The following SAC3D1 variants were observed in gnomAD, a reference collection of about 807,000 sequenced individuals.
The protein encoded by SAC3D1 is SAC3 domain-containing protein 1.
Under a neutral mutation model 12.7 loss-of-function variants are expected in SAC3D1, and 10 were observed. The ratio of observed to expected loss-of-function variants is 0.79; its 90% CI spans 0.49 to 1.34. The LOEUF is 1.34. SAC3D1 is among the 40% of genes most tolerant of loss of function. The pLI, the probability that SAC3D1 is intolerant of heterozygous loss-of-function variation, is 0.00. For missense variants in SAC3D1, 482 were observed against 531.1 expected (o/e 0.91, Z 0.91); for synonymous variants, 241 against 250.8 (o/e 0.96, Z 0.37).
chr11:65,040,935 CGGTGTATCATG>C (rs1430605363), upstream of SAC3D1: 6 of 335,284 alleles, frequency 1.8e-5, no homozygotes, highest in African/African-American at 1.3e-4. Flanking sequence ...GGGACTACAC[CGGTGTATCATG>C]GGAGCGGCCC....
upstream of SAC3D1, chr11:65,041,101 G>A: frequency 1.6e-6 from 1 of 625,916 alleles, no homozygotes; most frequent in Non-Finnish European, 2.7e-6. Context: ...AACTCGACTG[G>A]ACTGGGTGAG....
chr11:65,042,617 C>G (rs1272943931), intron 1 of SAC3D1, among the ~76,000 whole-genome samples: 1 of 152,138 alleles, frequency 6.6e-6, no homozygotes, highest in Non-Finnish European at 1.5e-5. Flanking sequence ...TCTTGCCTAA[C>G]TGCAACCTCC....
rs1946672261 is a variant in SAC3D1, at chr11:65,044,400, G to A, written c.750G>A (p.Val250=). Residue 250 remains valine (V), a synonymous_variant, in exon 2 of 2, where the codon GTG becomes GTA. Transcript: ENST00000652489. The surrounding 1 kb of genome is among the most constrained non-coding windows in gnomAD (Gnocchi z 4.0). ...CAAGTTGCGCTGTGCAGTGCCATGT[G>A]GGCCATGCCCGCCGGGAAGCCCTGG... is the stretch of plus-strand genomic sequence containing the variant. ...YLPSCAVQCH[V]GHARREALAR... 6.2e-7 allele frequency: 1 copy of A among 1,613,710 alleles called. No homozygotes were observed. The highest frequency in any genetic ancestry group is 1.1e-5 in the South Asian group (1 of 91,084).
chr11:65,042,476 G>C (rs1293707338), intron 1 of SAC3D1, among the ~76,000 whole-genome samples: 2 of 152,178 alleles, frequency 1.3e-5, no homozygotes, highest in Non-Finnish European at 2.9e-5. Flanking sequence ...ATATACCTGA[G>C]ACAGAAGTTT....
intron 1 of SAC3D1, among the ~76,000 whole-genome samples, chr11:65,042,572 A>G (rs1026103678): frequency 6.1e-5 from 9 of 147,150 alleles, no homozygotes; most frequent in African/African-American, 2.3e-4. Flanking sequence ...GACAGAGTCT[A>G]GCTCTGTCGC....
chr11:65,043,185 G>T (rs755373505), intron 1 of SAC3D1: 6 of 324,342 alleles, frequency 1.8e-5, no homozygotes, highest in Middle Eastern at 7.7e-4. Flanking sequence ...CTGGTCTAGT[G>T]GGGGAAGAAA....
rs927949678 is a variant in SAC3D1 at position 65,041,220 on chromosome 11, G to T, written c.-73G>T. The T allele has an allele frequency of 7.2e-7, 1 of 1,382,198 alleles. No individual in the cohort carries two copies. Among genetic ancestry groups the T allele is most frequent in the South Asian group, 1.4e-5 (1 of 73,564 alleles). The allele number at this position is 1,382,198 out of a possible 1,614,324, so 85.6% of individuals were successfully genotyped here. ...ACCCGCCGCTCCCCACCCCCCGGCC[G>T]GCCTCGCGTGCCTTCCCGCAGCACT... is the stretch of plus-strand genomic sequence containing the variant. On this transcript the variant is annotated 5_prime_UTR_variant, in exon 1 of 2. Coordinates refer to ENST00000652489, the MANE Select transcript of SAC3D1 (RefSeq NM_013299.4).
rs1225771091 is a variant in SAC3D1, at chr11:65,041,703, G to A, written c.411G>A (p.Val137=). 75 of 1,323,774 alleles carry A rather than the reference G, an allele frequency of 5.7e-5. No individual in the cohort carries two copies. Among genetic ancestry groups the A allele is most frequent in the Middle Eastern group, 2.8e-4 (1 of 3,522 alleles). The allele number at this position is 1,323,774 out of a possible 1,614,324, so 82.0% of individuals were successfully genotyped here. ...EAALATLLTV[V]ARLGPDAARG... The stretch of plus-strand genomic sequence containing the variant: ...CGCTGGCCACGCTGCTGACCGTAGT[G>A]GCGCGGCTCGGGCCCGACGCGGCGC... Residue 137 remains valine (V), a synonymous_variant, in exon 1 of 2, where the codon GTG becomes GTA. Coordinates refer to ENST00000652489, the MANE Select transcript of SAC3D1 (RefSeq NM_013299.4).
At position 65,041,263 on chromosome 11, in the gene SAC3D1, G is replaced by A. The variant is rs1946590075; in HGVS notation, c.-30G>A. 1.3e-6 allele frequency: 2 copies of A among 1,487,032 alleles called. No individual in the cohort carries two copies. Among genetic ancestry groups the A allele is most frequent in the Non-Finnish European group, 1.8e-6 (2 of 1,126,436 alleles). 92.1% of individuals were successfully genotyped at this position (1,487,032 alleles called of 1,614,324 possible). A position where few individuals can be genotyped will look rare whatever the true frequency, so the allele number is the denominator to read the frequency against. The stretch of plus-strand genomic sequence containing the variant: ...GCAGCACTGCCGTCCCCGGGATGCT[G>A]AGCGCCCACCGTCTCCCCGCAGCCC... On this transcript the variant is annotated 5_prime_UTR_variant, in exon 1 of 2. Transcript: ENST00000652489.
At chr11:65,043,423 AAATAAGCTCTGTTCTG>A (rs1946646545) in intron 1 of SAC3D1, among the ~76,000 whole-genome samples, 1 of 152,006 alleles carries the variant, frequency 6.6e-6, no homozygotes, top group Non-Finnish European at 1.5e-5. Flanking sequence ...CACTGTGCCC[AAATAAGCTCTGTTCTG>A]GCTGGGCCCT....
rs887035980 is a variant in SAC3D1, at chr11:65,042,420, C to T, written c.574+554C>T. ...GATTTTCAAACTCTTTTAACCTCCC[C>T]GCCCAGTCAGGGTTACCAAGCAAAC... On this transcript the variant is annotated intron_variant, in intron 1 of 1. Transcript: ENST00000652489. Among the ~76,000 whole-genome samples, 12 of 151,326 alleles carry T rather than the reference C, an allele frequency of 7.9e-5. No individual in the cohort carries two copies. In the South Asian group the frequency reaches 1.2e-3, roughly 16 times the overall value.
chr11:65,041,618 T>G lies in SAC3D1; in HGVS notation c.326T>G (p.Leu109Arg), dbSNP rs12271134. The G allele has an allele frequency of 1, 1,467,240 of 1,467,756 alleles. 733,363 individuals are homozygous for G. The highest frequency in any genetic ancestry group is 1 in the Non-Finnish European group (1,114,807 of 1,114,840). The allele number at this position is 1,467,756 out of a possible 1,614,324, so 90.9% of individuals were successfully genotyped here. A position where few individuals can be genotyped will look rare whatever the true frequency, so the allele number is the denominator to read the frequency against. Residue 109 changes from leucine to arginine, a missense_variant, in exon 1 of 2, where the codon CTC becomes CGC. Around this residue, in one of 3 missense-constraint regions of SAC3D1, gnomAD observed 197 missense variants for 183.2 expected, o/e 1.08. Transcript: ENST00000652489. ...GTGGCAGACCGCTTGCGAGCTGTGCTCCTGGACCTGGCGCTGCAGGGAGCG... is the reference window on the plus strand; with the variant it reads ...GTGGCAGACCGCTTGCGAGCTGTGCGCCTGGACCTGGCGCTGCAGGGAGCG... ...SFVADRLRAV[L>R]LDLALQGAGD...
intron 1 of SAC3D1, 35 bp downstream of exon 1, chr11:65,041,901 G>T: frequency 1.4e-6 from 2 of 1,395,084 alleles, no homozygotes; most frequent in South Asian, 3.0e-5. Flanking sequence ...GCAGAGCGTG[G>T]GGACAGGAGC....
upstream of SAC3D1, chr11:65,041,194 G>T: frequency 8.7e-7 from 1 of 1,153,836 alleles, no homozygotes; most frequent in South Asian, 1.6e-5. Context: ...GCCCCGCCCC[G>T]ACCCGCCGCT....
intron 1 of SAC3D1, 37 bp downstream of exon 1, chr11:65,041,903 G>A: frequency 1.4e-6 from 2 of 1,390,836 alleles, no homozygotes; most frequent in Non-Finnish European, 1.9e-6. Context: ...AGAGCGTGGG[G>A]ACAGGAGCCC....
In SAC3D1 at chr11:65,041,505, GC is replaced by G; in HGVS notation, c.216del (p.Ser73ProfsTer62). ...PRPPPSQLRPPSVLLATVRYL... is the reference protein window; with the variant it reads ...PRPPPSQLRPXSVLLATVRYL... The stretch of plus-strand genomic sequence containing the variant: ...GGCCCCCGCCCAGCCAGTTGCGTCC[GC>G]CCTCCGTGCTGCTGGCCACCGTGCG... On this transcript the variant is annotated frameshift_variant, in exon 1 of 2. Coordinates refer to ENST00000652489, the MANE Select transcript of SAC3D1 (RefSeq NM_013299.4). LOFTEE classifies it high-confidence loss of function. 6.8e-7 allele frequency: 1 copy of G among 1,465,400 alleles called. No homozygotes were observed. Among genetic ancestry groups the G allele is most frequent in the Admixed American group, 2.5e-5 (1 of 40,404 alleles). 90.8% of individuals were successfully genotyped at this position (1,465,400 alleles called of 1,614,324 possible).
Position 65,044,420 on chromosome 11 carries a change from C to G in SAC3D1, c.770C>G (p.Ala257Gly), listed in dbSNP as rs1049880164. 5.6e-6 allele frequency: 9 copies of G among 1,613,680 alleles called. No homozygotes were observed. The Middle Eastern group carries it at 6.6e-4, about 118-fold the overall frequency. ...CATGTGGGCCATGCCCGCCGGGAAGCCCTGGCCCGCTTCGCTCGTGCCTTT... is the reference window on the plus strand; with the variant it reads ...CATGTGGGCCATGCCCGCCGGGAAGGCCTGGCCCGCTTCGCTCGTGCCTTT... ...QCHVGHARRE[A>G]LARFARAFST... The change falls in exon 2 of 2, where the codon GCC becomes GGC. Residue 257 changes from alanine to glycine, a missense_variant. This residue lies in a region of SAC3D1 where 225 missense variants were observed against 241.1 expected (regional missense o/e 0.93). Coordinates refer to ENST00000652489, the MANE Select transcript of SAC3D1 (RefSeq NM_013299.4). This position sits in a 1 kb window ranked among gnomAD's most constrained non-coding sequence, Gnocchi z 4.0.
intron 1 of SAC3D1, among the ~76,000 whole-genome samples, chr11:65,042,295 C>CTA (rs1946623037): frequency 1.3e-5 from 2 of 152,026 alleles, no homozygotes; most frequent in Non-Finnish European, 2.9e-5. Context: ...GGGGGTTTCA[C>CTA]CATGTTGGTC....
Position 65,044,669 on chromosome 11 carries a change from A to C in SAC3D1, c.1019A>C (p.Glu340Ala), listed in dbSNP as rs775152201. ...AAACTTCGAGGACGTACCCTGGAGG[A>C]GGTGGTCATGGCAGAGGAGGAAGAT... Reference protein sequence around the residue: ...ESKLRGRTLEEVVMAEEEDEG... With the variant: ...ESKLRGRTLEAVVMAEEEDEG... Residue 340 changes from glutamate to alanine, a missense_variant, in exon 2 of 2, where the codon GAG (glutamate) becomes GCG (alanine). Coordinates refer to ENST00000652489, the MANE Select transcript of SAC3D1 (RefSeq NM_013299.4). This position sits in a 1 kb window ranked among gnomAD's most constrained non-coding sequence, Gnocchi z 4.0. 3.1e-6 allele frequency: 5 copies of C among 1,613,546 alleles called. No homozygotes were observed. The African/African-American group carries it at 5.3e-5, about 17-fold the overall frequency.
Sources: gnomAD v4.1 joint callset for allele counts (sites outside exome capture counted in the v4.1 genomes callset) on GRCh38, gnomAD v4.1.1 for gene constraint, gnomAD v4.1.1 regional missense constraint, Gnocchi (gnomAD v3.1) non-coding constraint, MANE v1.5 for transcripts, NCBI Gene and HGNC (gene_info 2026-07-23, HGNC 2026-07-21) for gene names.